PKD1L1: variants seen among roughly 807,000 people sequenced by gnomAD.
The protein encoded by PKD1L1 is polycystin-1-like protein 1.
Under a neutral mutation model 323.4 loss-of-function variants are expected in PKD1L1, and 236 were observed. That is an observed-to-expected ratio of 0.73 (90% CI 0.66 to 0.81). The LOEUF is 0.81. PKD1L1 is among the 40% of genes least tolerant of loss of function. The pLI, the probability that PKD1L1 is intolerant of heterozygous loss-of-function variation, is 0.00. For missense variants in PKD1L1, 3,320 were observed against 3,508.0 expected (o/e 0.95, Z 1.35); for synonymous variants, 1,344 against 1,335.0 (o/e 1.01, Z -0.15).
chr7:47,779,141 T>C (rs1786634094), intron 56 of PKD1L1, among the ~76,000 whole-genome samples: 1 of 151,048 alleles, frequency 6.6e-6, no homozygotes, highest in Admixed American at 6.6e-5. Flanking sequence ...TTTTTTAGGC[T>C]AAGCAGCAAA....
upstream of PKD1L1, among the ~76,000 whole-genome samples, chr7:47,950,006 G>T (rs537981171): frequency 1.1e-4 from 17 of 152,302 alleles, no homozygotes; most frequent in Non-Finnish European, 2.2e-4. Context: ...TGCTTGTTGT[G>T]AGTAAATCTC....
chr7:47,898,069 A>G lies in PKD1L1; in HGVS notation c.2190T>C (p.Pro730=). ...MDSEGLPVSL[P]AAVDTHRQTL... ...TCTGTCTGTGAGTGTCCACAGCAGC[A>G]GGGAGGGAGACAGGGAGCCCTTCAG... The change falls in exon 14 of 57, where the codon CCT becomes CCC. Residue 730 remains proline (P), a synonymous_variant. Coordinates refer to ENST00000289672, the MANE Select transcript of PKD1L1 (RefSeq NM_138295.5). The G allele has an allele frequency of 6.2e-7, 1 of 1,613,992 alleles. No homozygotes were observed. Among genetic ancestry groups the G allele is most frequent in the Non-Finnish European group, 8.5e-7 (1 of 1,180,012 alleles).
intron 56 of PKD1L1, among the ~76,000 whole-genome samples, chr7:47,791,741 CTTATAG>C (rs1786953813): frequency 6.6e-6 from 1 of 152,180 alleles, no homozygotes; most frequent in Admixed American, 6.5e-5. Context: ...GGGCAGAGAG[CTTATAG>C]CAGGTACTTC....
intron 27 of PKD1L1, among the ~76,000 whole-genome samples, 194 bp downstream of exon 27, chr7:47,858,479 C>T (rs1785951868): frequency 6.6e-6 from 1 of 152,034 alleles, no homozygotes; most frequent in South Asian, 2.1e-4. Flanking sequence ...TCACTGGAAA[C>T]ATTATAATAT....
intron 19 of PKD1L1, among the ~76,000 whole-genome samples, chr7:47,883,470 A>T (rs993320532): frequency 1.3e-5 from 2 of 152,138 alleles, no homozygotes; most frequent in Admixed American, 6.5e-5. Context: ...GAAAACCCAA[A>T]AAAAACCTTG....
chr7:47,856,828 T>C (rs943796526), intron 28 of PKD1L1, among the ~76,000 whole-genome samples: 2 of 152,232 alleles, frequency 1.3e-5, no homozygotes, highest in Non-Finnish European at 2.9e-5. Context: ...AAATAAGATG[T>C]ACCTAATTTG....
chr7:47,837,104 AAAG>A lies in PKD1L1; in HGVS notation c.5770-13_5770-11del. 1 of 1,613,642 alleles carries A rather than the reference AAAG, an allele frequency of 6.2e-7. No homozygotes were observed. Among genetic ancestry groups the A allele is most frequent in the African/African-American group, 1.3e-5 (1 of 75,058 alleles). ...ACTTGCAATAGAAAAGCTGAAACGG[AAAG>A]CAGGAGAAGTGTTCCCTGACATGGA... On this transcript the variant is annotated splice_polypyrimidine_tract_variant and intron_variant, in intron 36 of 56. Transcript: ENST00000289672.
chr7:47,861,113 G>A (rs1786013961), intron 26 of PKD1L1, among the ~76,000 whole-genome samples: 1 of 152,190 alleles, frequency 6.6e-6, no homozygotes, highest in Admixed American at 6.5e-5. Flanking sequence ...GACACCCACT[G>A]AACACCTGCT....
chr7:47,821,135 A>C lies in PKD1L1; in HGVS notation c.6906T>G (p.Tyr2302Ter). Residue 2302 changes from tyrosine (Y) to a stop codon, truncating the protein, a stop_gained, in exon 46 of 57, where the codon TAT becomes TAG. Coordinates refer to ENST00000289672, the MANE Select transcript of PKD1L1 (RefSeq NM_138295.5). LOFTEE classifies it high-confidence loss of function. The stretch of plus-strand genomic sequence containing the variant: ...AGTATTCATCTTGGGAAAATCTCCC[A>C]TATATTACACACAAAAGCAGAAGCA... Reference protein sequence around the residue: ...LMLLLLLCVIYGRFSQDEYSL... With the variant: ...LMLLLLLCVI The C allele has an allele frequency of 2.5e-6, 4 of 1,611,096 alleles. No individual in the cohort carries two copies. The highest frequency in any genetic ancestry group is 3.4e-6 in the Non-Finnish European group (4 of 1,177,216).
At chr7:47,957,738 CACCT>C in the PKD1L1 span, among the ~76,000 whole-genome samples, 501 of 152,032 alleles carry the variant, frequency 3.3e-3, 2 homozygotes, top group African/African-American at 0.011. Context: ...TCAAGCAACT[CACCT>C]GCCTTGGCCT....
intron 11 of PKD1L1, 82 bp from the exon 12 acceptor site, chr7:47,904,699 C>CT (rs1421122820): frequency 6.9e-7 from 1 of 1,452,356 alleles, no homozygotes; most frequent in Non-Finnish European, 9.3e-7. Context: ...GTCTGCTATA[C>CT]TTTAAGAGGA....
chr7:47,834,155 T>G (rs1273055315), intron 40 of PKD1L1, among the ~76,000 whole-genome samples, 184 bp downstream of exon 40: 1 of 151,874 alleles, frequency 6.6e-6, no homozygotes, highest in Non-Finnish European at 1.5e-5. Context: ...AAACGGGACC[T>G]CCCTCTAGGG....
At chr7:47,932,211 C>G (rs1340143033) in intron 4 of PKD1L1, among the ~76,000 whole-genome samples, 155 bp from the exon 5 acceptor site, 1 of 152,214 alleles carries the variant, frequency 6.6e-6, no homozygotes, top group Non-Finnish European at 1.5e-5. Flanking sequence ...CAGGCCCAGG[C>G]TGACCATGGG....
chr7:47,956,363 A>G, the PKD1L1 span, among the ~76,000 whole-genome samples: 1 of 152,312 alleles, frequency 6.6e-6, no homozygotes, highest in East Asian at 1.9e-4. Flanking sequence ...GAAGCACTGC[A>G]GGTGCCAGCA....
chr7:47,885,364 G>A (rs1243833432), intron 18 of PKD1L1, among the ~76,000 whole-genome samples: 1 of 152,154 alleles, frequency 6.6e-6, no homozygotes, highest in African/African-American at 2.4e-5. Context: ...ATAAAGTGAA[G>A]CAATTGATCC....
At chr7:47,880,980 A>T (rs1786540830) in intron 20 of PKD1L1, among the ~76,000 whole-genome samples, 175 bp from the exon 21 acceptor site, 1 of 151,734 alleles carries the variant, frequency 6.6e-6, no homozygotes. Flanking sequence ...TTCTATAAAC[A>T]GCCTGTCCTG....
intron 9 of PKD1L1, among the ~76,000 whole-genome samples, chr7:47,907,424 C>T (rs75474346): frequency 0.06 from 9,111 of 152,010 alleles, 387 homozygotes; most frequent in Middle Eastern, 0.092. Flanking sequence ...TTCCCCATTC[C>T]CACCCCCAAT....
chr7:47,861,164 C>A (rs1280630104), intron 26 of PKD1L1, among the ~76,000 whole-genome samples: 1 of 152,224 alleles, frequency 6.6e-6, no homozygotes, highest in African/African-American at 2.4e-5. Flanking sequence ...CTGTTGTATT[C>A]AGCTTCTGGG....
chr7:47,908,160 T>G lies in PKD1L1; in HGVS notation c.1319A>C (p.Glu440Ala). ...GGAGTTCATGAACGCAGACACGGCC[T>G]CATGGCCAATCTCCACATAATAAGG... ...LGPYYVEIGH[E>A]AVSAFMNSSS... Residue 440 changes from glutamate to alanine, a missense_variant, in exon 9 of 57, where the codon GAG becomes GCG. Physicochemically the swap from Glu to Ala is moderately radical, Grantham distance 107. Coordinates refer to ENST00000289672, the MANE Select transcript of PKD1L1 (RefSeq NM_138295.5). 6.2e-7 allele frequency: 1 copy of G among 1,614,242 alleles called. No homozygotes were observed. The highest frequency in any genetic ancestry group is 8.5e-7 in the Non-Finnish European group (1 of 1,180,034).
Sources: gnomAD v4.1 joint callset for allele counts (sites outside exome capture counted in the v4.1 genomes callset) on GRCh38, gnomAD v4.1.1 for gene constraint, MANE v1.5 for transcripts, NCBI Gene and HGNC (gene_info 2026-07-23, HGNC 2026-07-21) for gene names.